MAF: variants seen among roughly 807,000 people sequenced by gnomAD.
MAF encodes MAF bZIP transcription factor, also known as transcription factor Maf.
Under a neutral mutation model 22.0 loss-of-function variants are expected in MAF, and 10 were observed. The ratio of observed to expected loss-of-function variants is 0.45; its 90% CI spans 0.28 to 0.77. The LOEUF (loss-of-function observed/expected upper bound fraction) is 0.77, where lower values mean the gene tolerates loss of function less well. Ranked by LOEUF, MAF falls within the 30% of genes least tolerant of loss-of-function variation. The probability of loss-of-function intolerance (pLI) is 0.12; values close to 1 mark genes in which losing one functional copy is unlikely to be tolerated. For synonymous variants in MAF, 337 were observed against 255.8 expected (o/e 1.32, Z -3.03); for missense variants, 544 against 548.4 (o/e 0.99, Z 0.08).
At chr16:79,384,608 T>A in the MAF span, among the ~76,000 whole-genome samples, 4 of 151,696 alleles carry the variant, frequency 2.6e-5, no homozygotes, top group African/African-American at 9.7e-5. Context: ...ATACAAAAAA[T>A]TAGCTGGGTG....
At chr16:79,235,666 A>C in the MAF span, among the ~76,000 whole-genome samples, 85 of 152,202 alleles carry the variant, frequency 5.6e-4, no homozygotes, top group African/African-American at 1.9e-3. Flanking sequence ...ACGGTAATAG[A>C]AGGAGAAATT....
chr16:79,597,728 G>C (rs2045344212), intron 1 of MAF: 1 of 1,017,834 alleles, frequency 9.8e-7, no homozygotes, highest in Non-Finnish European at 1.2e-6. Context: ...ATAAGTCTTC[G>C]AACGTCCATT....
the MAF span, among the ~76,000 whole-genome samples, chr16:79,426,536 C>T: frequency 2.0e-5 from 3 of 152,210 alleles, no homozygotes; most frequent in Non-Finnish European, 2.9e-5. Context: ...AGCCCTACCA[C>T]ATGCTCAGTT....
the MAF span, among the ~76,000 whole-genome samples, chr16:79,372,563 T>A: frequency 1.3e-5 from 2 of 152,216 alleles, no homozygotes; most frequent in African/African-American, 4.8e-5. Flanking sequence ...GGAGAGACGC[T>A]GTAATGTCTT....
the MAF span, among the ~76,000 whole-genome samples, chr16:79,462,089 C>A: frequency 2.0e-5 from 3 of 152,218 alleles, no homozygotes; most frequent in East Asian, 5.8e-4. Context: ...CCTCGCCTAT[C>A]TGGGCCCATC....
chr16:79,243,210 G>A, the MAF span, among the ~76,000 whole-genome samples: 2 of 151,882 alleles, frequency 1.3e-5, no homozygotes, highest in South Asian at 2.1e-4. Flanking sequence ...GGGAGCAGAA[G>A]TGAAGGTGAT....
chr16:79,214,679 A>G, the MAF span, among the ~76,000 whole-genome samples: 3 of 138,910 alleles, frequency 2.2e-5, no homozygotes, highest in Non-Finnish European at 4.6e-5. Context: ...TGCTGGGATT[A>G]CAGGTGTGAG....
chr16:79,363,031 C>G, the MAF span, among the ~76,000 whole-genome samples: 1 of 152,184 alleles, frequency 6.6e-6, no homozygotes, highest in Admixed American at 6.5e-5. Context: ...GCTTCAGAAA[C>G]TGCCCTCACT....
the MAF span, among the ~76,000 whole-genome samples, chr16:79,404,383 C>T: frequency 4.6e-5 from 7 of 152,044 alleles, no homozygotes; most frequent in South Asian, 2.1e-4. Flanking sequence ...AGGATAGTCT[C>T]GATCTCTTGA....
At chr16:79,342,900 C>A in the MAF span, among the ~76,000 whole-genome samples, 1 of 152,094 alleles carries the variant, frequency 6.6e-6, no homozygotes, top group African/African-American at 2.4e-5. Flanking sequence ...CCAAAGCGTT[C>A]GTTCTTACAG....
At chr16:79,246,118 G>A in the MAF span, among the ~76,000 whole-genome samples, 1 of 152,050 alleles carries the variant, frequency 6.6e-6, no homozygotes, top group Non-Finnish European at 1.5e-5. Flanking sequence ...ATGACGGGTT[G>A]ATGGGTGCAG....
the MAF span, among the ~76,000 whole-genome samples, chr16:79,430,469 A>G: frequency 6.6e-6 from 1 of 152,178 alleles, no homozygotes; most frequent in African/African-American, 2.4e-5. Context: ...ACTCCGCAGA[A>G]CTGTTTCTGC....
At chr16:79,361,349 G>A in the MAF span, among the ~76,000 whole-genome samples, 20 of 152,142 alleles carry the variant, frequency 1.3e-4, no homozygotes, top group Admixed American at 1.2e-3. Context: ...CCAATGATTG[G>A]GAACAAGCTG....
the MAF span, among the ~76,000 whole-genome samples, chr16:79,493,709 A>C: frequency 2.0e-5 from 3 of 152,366 alleles, no homozygotes; most frequent in African/African-American, 7.2e-5. Flanking sequence ...GGTGGAGCTA[A>C]TGACAGCCAC....
chr16:79,296,431 G>A, the MAF span, among the ~76,000 whole-genome samples: 3 of 152,108 alleles, frequency 2.0e-5, no homozygotes. Flanking sequence ...GTAGTGCCTA[G>A]GTGATGGATT....
chr16:79,362,752 A>C, the MAF span, among the ~76,000 whole-genome samples: 1 of 152,222 alleles, frequency 6.6e-6, no homozygotes. Context: ...TCCAAGTTGC[A>C]GATGAAGCAG....
At chr16:79,334,972 G>C in the MAF span, among the ~76,000 whole-genome samples, 2 of 151,618 alleles carry the variant, frequency 1.3e-5, no homozygotes, top group African/African-American at 4.9e-5. Flanking sequence ...AGATCACCAG[G>C]TCAGGAGATT....
chr16:79,583,443 AG>A (rs1291210752), downstream of MAF, among the ~76,000 whole-genome samples: 1 of 152,302 alleles, frequency 6.6e-6, no homozygotes, highest in African/African-American at 2.4e-5. Flanking sequence ...CTTAGGTGAC[AG>A]GAAAGCTACA....
the MAF span, among the ~76,000 whole-genome samples, chr16:79,436,926 G>C: frequency 2.0e-5 from 3 of 152,196 alleles, no homozygotes; most frequent in African/African-American, 7.2e-5. Context: ...GTCTCCCAAG[G>C]TGCCTGTTTT....
Sources: gnomAD v4.1 joint callset for allele counts (sites outside exome capture counted in the v4.1 genomes callset) on GRCh38, gnomAD v4.1.1 for gene constraint, MANE v1.5 for transcripts, NCBI Gene and HGNC (gene_info 2026-07-23, HGNC 2026-07-21) for gene names.